RDX: variants seen among roughly 807,000 people sequenced by gnomAD.
RDX encodes the protein radixin.
RDX carries 32 observed loss-of-function variants against 83.7 expected under a neutral mutation model. That is an observed-to-expected ratio of 0.38 (90% CI 0.29 to 0.51). The LOEUF is 0.51. Ranked by LOEUF, RDX falls within the 20% of genes least tolerant of loss-of-function variation. The pLI, the probability that RDX is intolerant of heterozygous loss-of-function variation, is 0.87. For missense variants in RDX, 600 were observed against 689.9 expected, an observed-to-expected ratio of 0.87 and a Z score of 1.46; for synonymous variants, 229 against 222.7, an observed-to-expected ratio of 1.03 and a Z score of -0.25.
At chr11:110,270,205 T>TG (rs1166666647) in intron 3 of RDX, among the ~76,000 whole-genome samples, 1 of 122,382 alleles carries the variant, frequency 8.2e-6, no homozygotes, top group Non-Finnish European at 1.8e-5. Flanking sequence ...CATCATCGTA[T>TG]GAACATCAGA....
rs1478459144 is a variant in RDX, at chr11:110,264,845, G to C, written c.126C>G (p.Val42=). ...QVVKTVGLRE[V]WFFGLQYVDS... ...CTACATACTGCAGCCCAAAAAACCA[G>C]ACCTCACGCAAACCAACTGTTTTCA... Residue 42 remains valine, a synonymous_variant, in exon 4 of 14, where the codon GTC becomes GTG. Transcript: ENST00000645495. 2.5e-6 allele frequency: 4 copies of C among 1,613,676 alleles called. No homozygotes were observed. In the African/African-American group the frequency reaches 5.3e-5, roughly 22 times the overall value.
At chr11:110,190,309 G>T (rs1050616172) in intron 15 of RDX, among the ~76,000 whole-genome samples, 4 of 151,904 alleles carry the variant, frequency 2.6e-5, no homozygotes, top group Non-Finnish European at 4.4e-5. Context: ...GCATTGTGGT[G>T]CATGCCTGTA....
In RDX at chr11:110,236,095, T is replaced by C. The variant is rs1864837185; in HGVS notation, c.1344+4A>G. The C allele has an allele frequency of 9.4e-6, 15 of 1,597,684 alleles. No individual in the cohort carries two copies. The highest frequency in any genetic ancestry group is 1.3e-5 in the Non-Finnish European group (15 of 1,166,916). ...TAAAAGCTAGTAAATGAATAAATGA[T>C]TACTTTGTGTTGCCACTCAGTAGCT... On this transcript the variant is annotated splice_donor_region_variant and intron_variant, in intron 12 of 13. Transcript: ENST00000645495.
At chr11:110,279,635 A>AT (rs1565332116) in intron 2 of RDX, 46 bp downstream of exon 2, 1 of 1,275,034 alleles carries the variant, frequency 7.8e-7, no homozygotes, top group South Asian at 1.2e-5. Context: ...GAATTTAATG[A>AT]TATCTTATTA....
Position 110,261,038 on chromosome 11 carries a change from T to C in RDX, c.468-2849A>G, listed in dbSNP as rs749494484. Reference sequence around the variant, plus strand: ...CCTAGGTCTTTTTCTCATTTTTATGTACTTGGTAGGTTGATCTCTTTCATT... The same window carrying C: ...CCTAGGTCTTTTTCTCATTTTTATGCACTTGGTAGGTTGATCTCTTTCATT... On this transcript the variant is annotated intron_variant, in intron 5 of 13. Coordinates refer to ENST00000645495, the MANE Select transcript of RDX (RefSeq NM_002906.4). 2.6e-3 allele frequency among the ~76,000 whole-genome samples: 389 copies of C among 152,328 alleles called. 3 individuals are homozygous for C. Among genetic ancestry groups the C allele is most frequent in the Non-Finnish European group, 4.5e-3 (303 of 68,016 alleles).
chr11:110,228,705 T>TA (rs985790436), downstream of RDX, among the ~76,000 whole-genome samples: 13 of 151,092 alleles, frequency 8.6e-5, no homozygotes, highest in East Asian at 5.8e-4. Flanking sequence ...AGTGGGATTT[T>TA]AAAAAAAAAC....
rs74241326 is a variant in RDX at position 110,189,128 on chromosome 11, C to T, written c.*31+10453G>A. ...AGAGACCCACTGACATTTAATGACA[C>T]CCATAGGTTCAAAGTAAAGGGTTGG... On this transcript the variant is annotated intron_variant, in intron 15 of 15. Coordinates refer to the RDX transcript ENST00000528498. Among the ~76,000 whole-genome samples, 1,436 of 151,052 alleles carry T rather than the reference C, an allele frequency of 9.5e-3. 59 individuals carry two copies. The East Asian group carries it at 0.12, about 13-fold the overall frequency.
At position 110,238,419 on chromosome 11, in the gene RDX, A is replaced by G. The variant is rs536764408; in HGVS notation, c.1091-767T>C. 4.6e-5 allele frequency among the ~76,000 whole-genome samples: 7 copies of G among 152,342 alleles called. No homozygotes were observed. The East Asian group carries it at 1.4e-3, about 29-fold the overall frequency. ...AGTACTAACTTTAAATATTATTTTG[A>G]CAATTATTTAAGCCCTGTGACAGAA... On this transcript the variant is annotated intron_variant, in intron 10 of 13. Coordinates refer to ENST00000645495, the MANE Select transcript of RDX (RefSeq NM_002906.4).
intron 14 of RDX, among the ~76,000 whole-genome samples, chr11:110,210,550 A>G (rs1248816068): frequency 2.0e-5 from 3 of 151,224 alleles, no homozygotes; most frequent in Admixed American, 6.6e-5. Context: ...GATTCACCAA[A>G]GCTGAAATGA....
chr11:110,202,572 C>T (rs962185831), intron 14 of RDX, among the ~76,000 whole-genome samples: 8 of 151,294 alleles, frequency 5.3e-5, no homozygotes, highest in African/African-American at 1.5e-4. Flanking sequence ...GTGTGCTTCA[C>T]TACACCTGGC....
chr11:110,189,047 C>T (rs780450136), intron 15 of RDX, among the ~76,000 whole-genome samples: 3 of 151,684 alleles, frequency 2.0e-5, no homozygotes, highest in Non-Finnish European at 4.4e-5. Flanking sequence ...GTAAAAAGCA[C>T]AGAGTGACAA....
chr11:110,176,740 G>A (rs1460856043), intron 15 of RDX, among the ~76,000 whole-genome samples: 1 of 152,182 alleles, frequency 6.6e-6, no homozygotes, highest in African/African-American at 2.4e-5. Flanking sequence ...AGGCTCTGGA[G>A]GCCTAGCAGG....
chr11:110,194,885 T>C (rs1863170573), intron 15 of RDX, among the ~76,000 whole-genome samples: 1 of 152,228 alleles, frequency 6.6e-6, no homozygotes, highest in Admixed American at 6.5e-5. Context: ...AGAAAATCTT[T>C]AAGGGGTAAC....
chr11:110,191,770 A>C (rs1032027367), intron 15 of RDX, among the ~76,000 whole-genome samples: 4 of 152,174 alleles, frequency 2.6e-5, no homozygotes, highest in African/African-American at 9.7e-5. Context: ...GCAGGAGAAT[A>C]GCTCGAACCT....
chr11:110,259,981 GTTC>G (rs981051499), intron 5 of RDX, among the ~76,000 whole-genome samples: 25 of 150,556 alleles, frequency 1.7e-4, no homozygotes, highest in African/African-American at 3.9e-4. Flanking sequence ...TATGGTAACT[GTTC>G]TTCTTTTTTT....
rs569073007 is a variant in RDX, at chr11:110,236,034, A to G, written c.1344+65T>C. The stretch of plus-strand genomic sequence containing the variant: ...GACAGTATCTTACACTTATCACTAC[A>G]AAGTCAGCATAATCCTGGGTATAAA... On this transcript the variant is annotated intron_variant, in intron 12 of 13. Transcript: ENST00000645495. 6.3e-5 allele frequency: 72 copies of G among 1,138,706 alleles called. No individual in the cohort carries two copies. In the African/African-American group the frequency reaches 1.0e-3, roughly 16 times the overall value. 70.5% of individuals were successfully genotyped at this position (1,138,706 alleles called of 1,614,324 possible). A position where few individuals can be genotyped will look rare whatever the true frequency, so the allele number is the denominator to read the frequency against.
downstream of RDX, among the ~76,000 whole-genome samples, chr11:110,227,038 T>C (rs1482495572): frequency 2.6e-5 from 4 of 152,148 alleles, no homozygotes; most frequent in South Asian, 2.1e-4. Context: ...AATGATAGCA[T>C]AGAGAATTCA....
chr11:110,232,897 G>C (rs1864696032), intron 13 of RDX, among the ~76,000 whole-genome samples: 1 of 152,186 alleles, frequency 6.6e-6, no homozygotes, highest in Non-Finnish European at 1.5e-5. Context: ...TTACAGGTGT[G>C]AGCCACTGCG....
chr11:110,294,165 G>A (rs920800727), intron 1 of RDX, among the ~76,000 whole-genome samples: 24 of 152,220 alleles, frequency 1.6e-4, no homozygotes, highest in African/African-American at 5.8e-4. Context: ...AGGCCGAGGC[G>A]GGCAGAACGC....
Sources: allele counts gnomAD v4.1 joint callset (sites outside exome capture counted in the v4.1 genomes callset), GRCh38; gene constraint gnomAD v4.1.1; transcripts MANE v1.5; gene names NCBI Gene and HGNC (gene_info 2026-07-23, HGNC 2026-07-21).